Variants in IGF1R observed in about 807,000 individuals in gnomAD.
The protein encoded by IGF1R is insulin like growth factor 1 receptor.
Under a neutral mutation model 144.6 loss-of-function variants are expected in IGF1R, and 44 were observed. That is an observed-to-expected ratio of 0.30 (90% CI 0.24 to 0.39). The LOEUF is 0.39. Ranked by LOEUF, IGF1R falls within the 10% of genes least tolerant of loss-of-function variation. The pLI is 1.00. For missense variants in IGF1R, 1,355 were observed against 1,833.7 expected (o/e 0.74, Z 4.77); for synonymous variants, 795 against 722.8 (o/e 1.10, Z -1.60).
intron 2 of IGF1R, among the ~76,000 whole-genome samples, chr15:98,817,106 C>G (rs1356058258): frequency 6.6e-6 from 1 of 152,040 alleles, no homozygotes; most frequent in Non-Finnish European, 1.5e-5. Flanking sequence ...AGTTCAAGAA[C>G]AGCCTGGCCA....
chr15:98,778,084 G>A (rs984826825), intron 2 of IGF1R, among the ~76,000 whole-genome samples: 2 of 152,188 alleles, frequency 1.3e-5, no homozygotes, highest in Non-Finnish European at 2.9e-5. Flanking sequence ...TAATCTTTTA[G>A]GGGGTGAGGA....
intron 1 of IGF1R, among the ~76,000 whole-genome samples, chr15:98,654,961 G>C (rs756999644): frequency 1.3e-5 from 2 of 152,168 alleles, no homozygotes; most frequent in Non-Finnish European, 2.9e-5. Flanking sequence ...GATGTGATGT[G>C]GCTTTAAGTG....
chr15:98,699,662 C>A, intron 1 of IGF1R, among the ~76,000 whole-genome samples: 1 of 152,148 alleles, frequency 6.6e-6, no homozygotes, highest in East Asian at 1.9e-4. Context: ...GTTAAAGTTT[C>A]CATGTCTTAA....
intron 2 of IGF1R, among the ~76,000 whole-genome samples, chr15:98,882,747 T>C (rs575745900): frequency 3.3e-5 from 5 of 152,330 alleles, no homozygotes; most frequent in African/African-American, 9.6e-5. Context: ...AGTTCACCCT[T>C]GTCTAGGCTT....
intron 2 of IGF1R, among the ~76,000 whole-genome samples, chr15:98,868,370 T>TTGG (rs71149424): frequency 2.4e-5 from 3 of 122,778 alleles, no homozygotes; most frequent in Non-Finnish European, 4.9e-5. Flanking sequence ...TTTTTTTTTT[T>TTGG]GGGGGGGGGG....
intron 7 of IGF1R, 124 bp downstream of exon 7, chr15:98,911,565 C>T (rs1035017307): frequency 2.8e-5 from 35 of 1,242,920 alleles, no homozygotes; most frequent in Admixed American, 1.5e-4. Context: ...GGGAGAGCCA[C>T]GCCAAACATC....
At chr15:98,923,832 C>T (rs919168953) in intron 11 of IGF1R, 44 bp from the exon 12 acceptor site, 7 of 1,590,550 alleles carry the variant, frequency 4.4e-6, no homozygotes, top group Admixed American at 1.7e-5. Flanking sequence ...GCCTCCCTCC[C>T]TGGGAACCCA....
chr15:98,653,881 T>C (rs1047168491), intron 1 of IGF1R, among the ~76,000 whole-genome samples: 1 of 152,200 alleles, frequency 6.6e-6, no homozygotes, highest in Non-Finnish European at 1.5e-5. Flanking sequence ...GGGACGGTGG[T>C]TTCCTTTTAA....
At position 98,768,170 on chromosome 15, in the gene IGF1R, C is replaced by T. The variant is rs796379572; in HGVS notation, c.640+60063C>T. ...CTGTTCTCATGTACACCCTCAGGAC[C>T]TTGGATGAGCTTGTGTGTTCAGGAA... On this transcript the variant is annotated intron_variant, in intron 2 of 20. Coordinates refer to ENST00000650285, the MANE Select transcript of IGF1R (RefSeq NM_000875.5). Among the ~76,000 whole-genome samples the T allele has an allele frequency of 7.2e-5, 11 of 152,170 alleles. No individual in the cohort carries two copies. In the South Asian group the frequency reaches 1.9e-3, roughly 26 times the overall value.
At position 98,686,579 on chromosome 15, in the gene IGF1R, A is replaced by G. The variant is rs533702431; in HGVS notation, c.95-20983A>G. Among the ~76,000 whole-genome samples the G allele has an allele frequency of 4.9e-4, 74 of 152,130 alleles. 4 individuals are homozygous for G. Among genetic ancestry groups the G allele is most frequent in the African/African-American group, 1.7e-3 (72 of 41,510 alleles). On this transcript the variant is annotated intron_variant, in intron 1 of 20. Coordinates refer to ENST00000650285, the MANE Select transcript of IGF1R (RefSeq NM_000875.5). ...TTATTTATTTTTTTAAATTTTTTAT[A>G]GTAGCTATCCATTCTAATGGATGTG...
chr15:98,738,811 C>A (rs1056187807), intron 2 of IGF1R, among the ~76,000 whole-genome samples: 8 of 152,204 alleles, frequency 5.3e-5, no homozygotes, highest in Non-Finnish European at 1.2e-4. Context: ...CTGGATTCTT[C>A]CCGCAGCCAT....
chr15:98,760,635 C>T (rs2055272300), intron 2 of IGF1R, among the ~76,000 whole-genome samples: 1 of 152,070 alleles, frequency 6.6e-6, no homozygotes, highest in Non-Finnish European at 1.5e-5. Flanking sequence ...GCTCTTGCAA[C>T]GGGGCGTCTG....
chr15:98,806,683 A>T (rs1267216848), intron 2 of IGF1R, among the ~76,000 whole-genome samples: 1 of 152,240 alleles, frequency 6.6e-6, no homozygotes, highest in Non-Finnish European at 1.5e-5. Context: ...AGTCCTTGTG[A>T]ACATGTGCTG....
chr15:98,911,501 G>A, intron 7 of IGF1R, 60 bp downstream of exon 7: 1 of 1,610,228 alleles, frequency 6.2e-7, no homozygotes, highest in African/African-American at 1.3e-5. Context: ...GGAGAGGCCA[G>A]TCTTTCGATC....
At chr15:98,923,640 T>G in intron 11 of IGF1R, 1 of 516,498 alleles carries the variant, frequency 1.9e-6, no homozygotes, top group Non-Finnish European at 3.5e-6. Flanking sequence ...GACGTGCAAG[T>G]TTTGTGGTTG....
chr15:98,779,155 T>A (rs2055792592), intron 2 of IGF1R, among the ~76,000 whole-genome samples: 1 of 152,190 alleles, frequency 6.6e-6, no homozygotes, highest in African/African-American at 2.4e-5. Context: ...TCCAGAACAA[T>A]GTATTCAAGG....
At chr15:98,689,000 T>C (rs150552440) in intron 1 of IGF1R, among the ~76,000 whole-genome samples, 233 of 152,316 alleles carry the variant, frequency 1.5e-3, no homozygotes, top group Admixed American at 3.8e-3. Context: ...GCTGCCCAGA[T>C]GTTAACATCA....
chr15:98,898,517 G>A (rs774874757), intron 4 of IGF1R, among the ~76,000 whole-genome samples: 12 of 152,170 alleles, frequency 7.9e-5, no homozygotes, highest in African/African-American at 4.8e-5. Context: ...TCAACTGCAC[G>A]CAACCTCTCA....
At chr15:98,852,534 A>C (rs942310846) in intron 2 of IGF1R, among the ~76,000 whole-genome samples, 4 of 152,214 alleles carry the variant, frequency 2.6e-5, no homozygotes, top group Admixed American at 2.0e-4. Context: ...AGGATGCAGC[A>C]GGAGTATTAG....
Sources: gnomAD v4.1 joint callset for allele counts (sites outside exome capture counted in the v4.1 genomes callset) on GRCh38, gnomAD v4.1.1 for gene constraint, MANE v1.5 for transcripts, NCBI Gene and HGNC (gene_info 2026-07-23, HGNC 2026-07-21) for gene names.